Variants in CLMP observed in about 807,000 individuals in gnomAD.
CLMP encodes CXADR-like membrane protein.
CLMP carries 27 observed loss-of-function variants against 45.2 expected under a neutral mutation model. That is an observed-to-expected ratio of 0.60 (90% confidence interval 0.44 to 0.82). The LOEUF is 0.82. Among genes scored for constraint, CLMP ranks in the 40% least tolerant of loss-of-function variants. CLMP has a pLI of 0.00. For missense variants in CLMP, 403 were observed against 448.4 expected (o/e 0.90, Z 0.91); for synonymous variants, 167 against 171.4 (o/e 0.97, Z 0.20).
chr11:123,070,029 CTA>C lies in CLMP; in HGVS notation c.*3443_*3444del, dbSNP rs1865654086. The C allele has an allele frequency of 2.6e-5, 4 of 152,260 alleles. No homozygotes were observed. The highest frequency in any genetic ancestry group is 9.6e-5 in the African/African-American group (4 of 41,556). 9.4% of individuals were successfully genotyped at this position (152,260 alleles called of 1,614,324 possible). On this transcript the variant is annotated 3_prime_UTR_variant, in exon 7 of 7. Coordinates refer to ENST00000448775, the MANE Select transcript of CLMP (RefSeq NM_024769.5). ...AGCTTAACACCAGAAGGAAGCAAAA[CTA>C]TATATGTCTTTTTGCAACAGCAGTT...
intron 1 of CLMP, among the ~76,000 whole-genome samples, chr11:123,124,800 G>A (rs1160664262): frequency 6.6e-6 from 1 of 152,174 alleles, no homozygotes; most frequent in Admixed American, 6.5e-5. Flanking sequence ...AAATAATTAT[G>A]TAATCAATAT....
At chr11:123,125,475 C>T (rs185824082) in intron 1 of CLMP, among the ~76,000 whole-genome samples, 1 of 132,374 alleles carries the variant, frequency 7.6e-6, no homozygotes, top group Non-Finnish European at 1.7e-5. Flanking sequence ...TCCTCCCTCC[C>T]TCCTCCCTCC....
At chr11:123,119,176 C>T (rs187713401) in intron 1 of CLMP, among the ~76,000 whole-genome samples, 3,276 of 151,066 alleles carry the variant, frequency 0.022, 127 homozygotes, top group African/African-American at 0.075. Context: ...CTCCACCTCC[C>T]GGGATCAAGC....
chr11:123,089,431 A>G (rs1865901050), intron 2 of CLMP, among the ~76,000 whole-genome samples: 1 of 151,958 alleles, frequency 6.6e-6, no homozygotes, highest in African/African-American at 2.4e-5. Context: ...TTTCATGAGT[A>G]TATGTGCAGT....
At position 123,194,906 on chromosome 11, in the gene CLMP, C is replaced by T. The variant is rs778461979; in HGVS notation, c.28+7G>A. 6 of 1,613,590 alleles carry T rather than the reference C, an allele frequency of 3.7e-6. No homozygotes were observed. In the Admixed American group the frequency reaches 5.0e-5, roughly 13 times the overall value. On this transcript the variant is annotated splice_region_variant and intron_variant, in intron 1 of 6. Coordinates refer to ENST00000448775, the MANE Select transcript of CLMP (RefSeq NM_024769.5). ...ATCCAAACTCCCGCCCTCCCAGAGG[C>T]ACTCACCTAGCAAGAGGAGAAGGAG...
At chr11:123,111,759 C>A (rs1391391958) in intron 1 of CLMP, among the ~76,000 whole-genome samples, 1 of 152,042 alleles carries the variant, frequency 6.6e-6, no homozygotes, top group African/African-American at 2.4e-5. Flanking sequence ...TGTTCAAAGG[C>A]CCATGGAAAA....
intron 1 of CLMP, among the ~76,000 whole-genome samples, chr11:123,107,915 C>A (rs1424506254): frequency 2.0e-5 from 3 of 152,060 alleles, no homozygotes; most frequent in Non-Finnish European, 4.4e-5. Context: ...ACAACAACAG[C>A]CATCTTAGCA....
intron 3 of CLMP, 28 bp downstream of exon 3, chr11:123,084,484 A>G: frequency 6.4e-7 from 1 of 1,569,912 alleles, no homozygotes; most frequent in Non-Finnish European, 8.8e-7. Flanking sequence ...AATAAGCTGT[A>G]GACATTCACT....
intron 1 of CLMP, among the ~76,000 whole-genome samples, chr11:123,145,427 C>T (rs1045461654): frequency 1.4e-4 from 21 of 149,914 alleles, no homozygotes; most frequent in African/African-American, 5.1e-4. Context: ...GCGTGTGCTC[C>T]ATGAGTGGGT....
In CLMP at chr11:123,097,148, G is replaced by A. The variant is rs191261785; in HGVS notation, c.186+647C>T. On this transcript the variant is annotated intron_variant, in intron 2 of 6. Transcript: ENST00000448775. Reference sequence around the variant, plus strand: ...ATTGCAGGTGTGAGTCACTGCACCCGGCCTGACAACTTCTTATTTATTTAG... The same window carrying A: ...ATTGCAGGTGTGAGTCACTGCACCCAGCCTGACAACTTCTTATTTATTTAG... Among the ~76,000 whole-genome samples the A allele has an allele frequency of 1.1e-3, 174 of 151,834 alleles. 5 individuals carry two copies. Among genetic ancestry groups the A allele is most frequent in the Non-Finnish European group, 1.7e-3 (116 of 67,956 alleles).
In CLMP at chr11:123,118,929, T is replaced by TTTTC. The variant is rs1314714578; in HGVS notation, c.29-20981_29-20978dup. 2.3e-3 allele frequency among the ~76,000 whole-genome samples: 229 copies of TTTTC among 99,402 alleles called. 3 individuals are homozygous for TTTTC. The highest frequency in any genetic ancestry group is 4.5e-3 in the East Asian group (15 of 3,328). The allele number at this position is 99,402 out of a possible 152,430, so 65.2% of individuals were successfully genotyped here. On this transcript the variant is annotated intron_variant, in intron 1 of 6. Coordinates refer to ENST00000448775, the MANE Select transcript of CLMP (RefSeq NM_024769.5). Reference sequence around the variant, plus strand: ...CAGGTGATCTTTGCATTTTCTTTTCTTTTCTTTCTTTCTTTCTTTCTTTCT... The same window carrying TTTTC: ...CAGGTGATCTTTGCATTTTCTTTTCTTTTCTTTCTTTCTTTCTTTCTTTCTTTCT...
chr11:123,101,307 A>G (rs544251364), intron 1 of CLMP, among the ~76,000 whole-genome samples: 1 of 152,228 alleles, frequency 6.6e-6, no homozygotes, highest in South Asian at 2.1e-4. Flanking sequence ...GGGCTTCACC[A>G]TGTTAGCCAG....
At chr11:123,077,942 A>C (rs1025811894) in intron 5 of CLMP, among the ~76,000 whole-genome samples, 1 of 152,120 alleles carries the variant, frequency 6.6e-6, no homozygotes, top group Non-Finnish European at 1.5e-5. Context: ...CCCCGTCTCT[A>C]CTAAAAATGC....
chr11:123,156,872 C>A (rs1861422062), intron 1 of CLMP, among the ~76,000 whole-genome samples: 1 of 152,222 alleles, frequency 6.6e-6, no homozygotes, highest in Non-Finnish European at 1.5e-5. Context: ...TGCTTGGACA[C>A]TTTCTTTCCA....
rs1860964329 is a variant in CLMP, at chr11:123,130,124, G to A, written c.29-32172C>T. 3.9e-5 allele frequency among the ~76,000 whole-genome samples: 6 copies of A among 152,278 alleles called. No homozygotes were observed. The South Asian group carries it at 8.3e-4, about 21-fold the overall frequency. Reference sequence around the variant, plus strand: ...TCATAGGAATGCAGATGGTGAGAAAGAGTAAAAATATTCAAGGGAAAAGGA... The same window carrying A: ...TCATAGGAATGCAGATGGTGAGAAAAAGTAAAAATATTCAAGGGAAAAGGA... On this transcript the variant is annotated intron_variant, in intron 1 of 6. Coordinates refer to ENST00000448775, the MANE Select transcript of CLMP (RefSeq NM_024769.5).
At chr11:123,113,371 G>A (rs1238997606) in intron 1 of CLMP, among the ~76,000 whole-genome samples, 1 of 152,234 alleles carries the variant, frequency 6.6e-6, no homozygotes, top group East Asian at 1.9e-4. Context: ...GTTCAAGGCA[G>A]TGTACGATCG....
intron 1 of CLMP, among the ~76,000 whole-genome samples, chr11:123,149,753 A>T (rs1861285843): frequency 6.6e-6 from 1 of 151,922 alleles, no homozygotes; most frequent in Non-Finnish European, 1.5e-5. Context: ...AAGGGAAAAG[A>T]GGTCCTCAAA....
At chr11:123,192,156 G>C (rs1047466476) in intron 1 of CLMP, among the ~76,000 whole-genome samples, 17 of 152,154 alleles carry the variant, frequency 1.1e-4, no homozygotes, top group African/African-American at 3.9e-4. Flanking sequence ...TGTTTTGGGC[G>C]CATGAAGTAA....
intron 1 of CLMP, among the ~76,000 whole-genome samples, chr11:123,140,893 C>A (rs1861145527): frequency 6.6e-6 from 1 of 152,046 alleles, no homozygotes; most frequent in Non-Finnish European, 1.5e-5. Context: ...GGGGGTGGAT[C>A]CCTCATGAAT....
Sources: allele counts gnomAD v4.1 joint callset (sites outside exome capture counted in the v4.1 genomes callset), GRCh38; gene constraint gnomAD v4.1.1; transcripts MANE v1.5; gene names NCBI Gene and HGNC (gene_info 2026-07-23, HGNC 2026-07-21).